The following SLC44A5 variants were observed in gnomAD, a reference collection of about 807,000 sequenced individuals.
SLC44A5 encodes choline transporter-like protein 5.
SLC44A5 carries 57 observed loss-of-function variants against 101.8 expected under a neutral mutation model. That is an observed-to-expected ratio of 0.56 (90% CI 0.45 to 0.70). The LOEUF (loss-of-function observed/expected upper bound fraction) is 0.70. SLC44A5 is among the 30% of genes least tolerant of loss of function. The probability of loss-of-function intolerance (pLI) is 0.00; values close to 1 mark genes in which losing one functional copy is unlikely to be tolerated. For synonymous variants in SLC44A5, 281 were observed against 290.9 expected (o/e 0.97, Z 0.35); for missense variants, 737 against 853.1 (o/e 0.86, Z 1.70).
chr1:75,471,442 A>G (rs1160529883), intron 2 of SLC44A5, among the ~76,000 whole-genome samples: 70 of 152,016 alleles, frequency 4.6e-4, no homozygotes, highest in Non-Finnish European at 5.9e-5. Flanking sequence ...TTAAATCAGA[A>G]CCAGGACAAA....
At chr1:75,710,094 G>A in the SLC44A5 span, 7 of 152,370 alleles carry the variant, frequency 4.6e-5, no homozygotes, top group Admixed American at 4.6e-4. Context: ...GAACAGGAAT[G>A]AAGGAAGGAT....
intron 8 of SLC44A5, 147 bp downstream of exon 8, chr1:75,242,739 T>C (rs1334120273): frequency 2.1e-6 from 2 of 944,536 alleles, no homozygotes; most frequent in South Asian, 1.9e-5. Flanking sequence ...GCACACCCAG[T>C]ACACATGCAT....
chr1:75,347,355 G>A (rs574790512), intron 3 of SLC44A5, among the ~76,000 whole-genome samples: 1 of 152,262 alleles, frequency 6.6e-6, no homozygotes, highest in South Asian at 2.1e-4. Flanking sequence ...TGGGCCTAAA[G>A]TGTAGGAAAG....
intron 1 of SLC44A5, among the ~76,000 whole-genome samples, chr1:75,564,496 A>G (rs1672681035): frequency 6.6e-6 from 1 of 151,996 alleles, no homozygotes; most frequent in African/African-American, 2.4e-5. Context: ...TTACATAATC[A>G]CCAAATAGAA....
the SLC44A5 span, among the ~76,000 whole-genome samples, chr1:75,703,429 C>T: frequency 9.9e-5 from 15 of 151,490 alleles, no homozygotes; most frequent in African/African-American, 3.6e-4. Context: ...CCAAACACCG[C>T]ATGTTCTCAC....
chr1:75,492,254 A>G (rs910848696), intron 2 of SLC44A5, among the ~76,000 whole-genome samples: 7 of 152,266 alleles, frequency 4.6e-5, no homozygotes, highest in South Asian at 4.1e-4. Flanking sequence ...CATTCTCTAG[A>G]CTTTGTGCTT....
At chr1:75,465,830 G>GA (rs913131058) in intron 2 of SLC44A5, among the ~76,000 whole-genome samples, 1 of 152,184 alleles carries the variant, frequency 6.6e-6, no homozygotes, top group South Asian at 2.1e-4. Flanking sequence ...ATTGAACCAG[G>GA]AAAAAATCCA....
chr1:75,484,992 C>G lies in SLC44A5; in HGVS notation c.13+56443G>C, dbSNP rs79712415. Among the ~76,000 whole-genome samples, 21 of 152,374 alleles carry G rather than the reference C, an allele frequency of 1.4e-4. No homozygotes were observed. The East Asian group carries it at 4.1e-3, about 29-fold the overall frequency. On this transcript the variant is annotated intron_variant, in intron 2 of 23. Coordinates refer to ENST00000370859, the MANE Select transcript of SLC44A5 (RefSeq NM_001130058.2). Reference sequence around the variant, plus strand: ...GCCATGGGCCTGGCCCACAAAACCACTTTTTCCTCCCAGGCCTCCAGGCCT... The same window carrying G: ...GCCATGGGCCTGGCCCACAAAACCAGTTTTTCCTCCCAGGCCTCCAGGCCT...
chr1:75,573,283 G>A (rs952337756), intron 1 of SLC44A5, among the ~76,000 whole-genome samples: 12 of 152,012 alleles, frequency 7.9e-5, no homozygotes, highest in Admixed American at 7.9e-4. Context: ...GGCAGAGGTT[G>A]CAGTGAGCAG....
intron 2 of SLC44A5, among the ~76,000 whole-genome samples, chr1:75,435,667 C>T (rs892598877): frequency 3.3e-5 from 5 of 152,156 alleles, no homozygotes; most frequent in Non-Finnish European, 5.9e-5. Flanking sequence ...GGAGCAAACT[C>T]ACACATGATG....
chr1:75,537,660 T>A (rs1343598194), intron 2 of SLC44A5, among the ~76,000 whole-genome samples: 1 of 152,184 alleles, frequency 6.6e-6, no homozygotes, highest in Admixed American at 6.5e-5. Context: ...CCAGTGGGCA[T>A]CACACTAAAA....
chr1:75,383,431 AG>A (rs1661045736), intron 3 of SLC44A5, among the ~76,000 whole-genome samples: 1 of 152,122 alleles, frequency 6.6e-6, no homozygotes, highest in African/African-American at 2.4e-5. Flanking sequence ...AAACACCCAC[AG>A]GTGTGTAGGG....
At chr1:75,264,220 T>C (rs1650797474) in intron 6 of SLC44A5, among the ~76,000 whole-genome samples, 1 of 151,922 alleles carries the variant, frequency 6.6e-6, no homozygotes, top group Non-Finnish European at 1.5e-5. Flanking sequence ...CAACAACCCT[T>C]GTGTCTCCAC....
At chr1:75,203,862 A>C in intron 23 of SLC44A5, 29 bp from the exon 24 acceptor site, 1 of 1,532,030 alleles carries the variant, frequency 6.5e-7, no homozygotes, top group Non-Finnish European at 8.8e-7. Flanking sequence ...CAGAGTAAAT[A>C]TCAAAGCAGA....
intron 1 of SLC44A5, among the ~76,000 whole-genome samples, chr1:75,553,840 T>G (rs1224207410): frequency 6.6e-6 from 1 of 152,106 alleles, no homozygotes; most frequent in Non-Finnish European, 1.5e-5. Flanking sequence ...CAGGGATGTT[T>G]TATTCCCTAC....
chr1:75,695,230 T>A, the SLC44A5 span, among the ~76,000 whole-genome samples: 1 of 152,218 alleles, frequency 6.6e-6, no homozygotes. Context: ...ATGATTGGCA[T>A]TGGAATTTAC....
chr1:75,497,617 A>C (rs1668743810), intron 2 of SLC44A5, among the ~76,000 whole-genome samples: 1 of 152,088 alleles, frequency 6.6e-6, no homozygotes, highest in Non-Finnish European at 1.5e-5. Flanking sequence ...ATTTCCTAAG[A>C]GATTAGATCT....
intron 1 of SLC44A5, among the ~76,000 whole-genome samples, chr1:75,569,962 G>A (rs139181304): frequency 6.6e-6 from 1 of 152,318 alleles, no homozygotes; most frequent in African/African-American, 2.4e-5. Flanking sequence ...AGATCATTTG[G>A]CACCTGGTGC....
intron 2 of SLC44A5, among the ~76,000 whole-genome samples, chr1:75,504,269 G>A (rs1378696328): frequency 6.6e-6 from 1 of 152,048 alleles, no homozygotes; most frequent in Non-Finnish European, 1.5e-5. Flanking sequence ...GGAAAAGCAA[G>A]CACTGCTGTT....
Sources: gnomAD v4.1 joint callset for allele counts (sites outside exome capture counted in the v4.1 genomes callset) on GRCh38, gnomAD v4.1.1 for gene constraint, MANE v1.5 for transcripts, NCBI Gene and HGNC (gene_info 2026-07-23, HGNC 2026-07-21) for gene names.